NKAIN3: variants seen among roughly 807,000 people sequenced by gnomAD.
NKAIN3 encodes the protein sodium/potassium-transporting ATPase subunit beta-1-interacting protein 3.
A neutral mutation model predicts 30.2 loss-of-function variants in NKAIN3; 25 were observed. The observed-to-expected ratio is 0.83, with a 90% confidence interval of 0.60 to 1.16. The LOEUF (loss-of-function observed/expected upper bound fraction) is 1.16, where lower values mean the gene tolerates loss of function less well. Ranked by LOEUF, NKAIN3 falls within the 50% of genes most tolerant of loss-of-function variation. The pLI is 0.00. For missense variants in NKAIN3, 225 were observed against 254.1 expected (o/e 0.89, Z 0.78); for synonymous variants, 91 against 89.6 (o/e 1.02, Z -0.09).
At chr8:62,631,286 G>A (rs138940453) in intron 3 of NKAIN3, among the ~76,000 whole-genome samples, 1 of 152,216 alleles carries the variant, frequency 6.6e-6, no homozygotes, top group African/African-American at 2.4e-5. Context: ...CCTCTGTAAT[G>A]TCTTAACATG....
At chr8:62,639,762 T>C (rs1367970287) in intron 3 of NKAIN3, among the ~76,000 whole-genome samples, 24 of 152,042 alleles carry the variant, frequency 1.6e-4, no homozygotes, top group Admixed American at 1.6e-3. Flanking sequence ...GCAGAGAGTA[T>C]AAATTTGAGT....
At chr8:62,306,712 T>A (rs1370446403) in intron 1 of NKAIN3, among the ~76,000 whole-genome samples, 1 of 150,022 alleles carries the variant, frequency 6.7e-6, no homozygotes, top group African/African-American at 2.5e-5. Context: ...AGTGGAATCA[T>A]AGGTTTGGCC....
intron 1 of NKAIN3, among the ~76,000 whole-genome samples, chr8:62,268,953 T>C (rs1812692160): frequency 1.3e-5 from 2 of 152,192 alleles, no homozygotes; most frequent in Admixed American, 1.3e-4. Flanking sequence ...AGTACAGTTA[T>C]TGCATTTCTG....
chr8:62,649,555 C>A (rs1255809458), intron 3 of NKAIN3, among the ~76,000 whole-genome samples: 9 of 152,026 alleles, frequency 5.9e-5, no homozygotes, highest in Admixed American at 3.3e-4. Context: ...ACTACAGAAG[C>A]AAAAAAATCC....
chr8:62,248,932 C>G lies in NKAIN3; in HGVS notation c.-142C>G, dbSNP rs566919768. 16 of 693,254 alleles carry G rather than the reference C, an allele frequency of 2.3e-5. No homozygotes were observed. The Admixed American group carries it at 4.1e-4, about 18-fold the overall frequency. The allele number at this position is 693,254 out of a possible 1,614,324, so 42.9% of individuals were successfully genotyped here. On this transcript the variant is annotated 5_prime_UTR_variant, in exon 1 of 7. Coordinates refer to ENST00000623646, the MANE Select transcript of NKAIN3 (RefSeq NM_001304533.3). ...AACTAACAAAGGCGGGCGCGAGCCC[C>G]GAGCCCTGGAGCCGCGAGCGGCGGC... is the stretch of plus-strand genomic sequence containing the variant.
At chr8:62,433,478 G>T (rs1426369635) in intron 1 of NKAIN3, among the ~76,000 whole-genome samples, 3 of 152,150 alleles carry the variant, frequency 2.0e-5, no homozygotes, top group African/African-American at 4.8e-5. Flanking sequence ...TATTATGCCA[G>T]ATATGGGATC....
chr8:62,635,182 C>T (rs1350299659), intron 3 of NKAIN3, among the ~76,000 whole-genome samples: 1 of 152,062 alleles, frequency 6.6e-6, no homozygotes, highest in Non-Finnish European at 1.5e-5. Flanking sequence ...ATCAAATAAA[C>T]CAGGCAAACA....
At chr8:62,729,133 G>A (rs1563535075) in intron 3 of NKAIN3, among the ~76,000 whole-genome samples, 1 of 148,256 alleles carries the variant, frequency 6.7e-6, no homozygotes, top group African/African-American at 2.5e-5. Context: ...ATAAATATTT[G>A]ATAAAAGAGT....
intron 1 of NKAIN3, among the ~76,000 whole-genome samples, chr8:62,498,909 C>T (rs575876451): frequency 6.6e-5 from 10 of 151,918 alleles, no homozygotes; most frequent in Non-Finnish European, 8.8e-5. Flanking sequence ...CTTTTTGTTC[C>T]GAGATATCCT....
intron 6 of NKAIN3, among the ~76,000 whole-genome samples, chr8:62,964,553 TGTG>T: frequency 6.6e-6 from 1 of 151,316 alleles, no homozygotes; most frequent in East Asian, 2.0e-4. Flanking sequence ...TGTGTGTGTG[TGTG>T]TGTGTGTGTG....
intron 4 of NKAIN3, among the ~76,000 whole-genome samples, chr8:62,759,421 T>G (rs1816567943): frequency 6.6e-6 from 1 of 152,134 alleles, no homozygotes; most frequent in African/African-American, 2.4e-5. Context: ...TAAGATGAAT[T>G]ATGTAGCAGT....
chr8:62,319,317 G>A (rs1585674111), intron 1 of NKAIN3, among the ~76,000 whole-genome samples: 3 of 152,064 alleles, frequency 2.0e-5, no homozygotes, highest in South Asian at 4.2e-4. Flanking sequence ...AGGGTTTTTT[G>A]TGTCTCTGTT....
chr8:62,442,071 T>C (rs1313928776), intron 1 of NKAIN3, among the ~76,000 whole-genome samples: 2 of 152,180 alleles, frequency 1.3e-5, no homozygotes, highest in East Asian at 1.9e-4. Flanking sequence ...GAACATGATA[T>C]ATTTTTGTAA....
chr8:62,364,174 T>A (rs1271278096), intron 1 of NKAIN3, among the ~76,000 whole-genome samples: 1 of 152,176 alleles, frequency 6.6e-6, no homozygotes, highest in Non-Finnish European at 1.5e-5. Flanking sequence ...CTGTATGTGT[T>A]CTGTTGTAGG....
At chr8:62,365,830 C>T (rs995034883) in intron 1 of NKAIN3, among the ~76,000 whole-genome samples, 1 of 151,860 alleles carries the variant, frequency 6.6e-6, no homozygotes, top group African/African-American at 2.4e-5. Context: ...ACTTAATTTG[C>T]ATTTGTCTGA....
At chr8:62,676,359 G>C (rs1024260951) in intron 3 of NKAIN3, among the ~76,000 whole-genome samples, 2 of 152,192 alleles carry the variant, frequency 1.3e-5, no homozygotes, top group African/African-American at 2.4e-5. Context: ...ACGAGGTTAG[G>C]AGGTCGAGAC....
intron 4 of NKAIN3, among the ~76,000 whole-genome samples, chr8:62,884,756 G>A (rs60759608): frequency 0.29 from 43,809 of 151,870 alleles, 6,602 homozygotes; most frequent in African/African-American, 0.35. Flanking sequence ...GTTTATCTAG[G>A]TGGTCCAATT....
At chr8:62,814,451 C>T (rs576832337) in intron 4 of NKAIN3, among the ~76,000 whole-genome samples, 1 of 151,936 alleles carries the variant, frequency 6.6e-6, no homozygotes, top group East Asian at 1.9e-4. Context: ...CCATGCCACA[C>T]CTATTCCAAA....
Position 62,970,372 on chromosome 8 carries a change from A to T in NKAIN3, c.*4965A>T, listed in dbSNP as rs1440356154. On this transcript the variant is annotated 3_prime_UTR_variant, in exon 7 of 7. Transcript: ENST00000623646. ...GAAAAAGCTTAGTTTCTTATTGAAGACTAAAAAGAAAAATGCCACTTCTTG... is the reference window on the plus strand; with the variant it reads ...GAAAAAGCTTAGTTTCTTATTGAAGTCTAAAAAGAAAAATGCCACTTCTTG... Among the ~76,000 whole-genome samples the T allele has an allele frequency of 6.6e-6, 1 of 152,182 alleles. No individual in the cohort carries two copies. The highest frequency in any genetic ancestry group is 2.4e-5 in the African/African-American group (1 of 41,456).
Sources: allele counts gnomAD v4.1 joint callset (sites outside exome capture counted in the v4.1 genomes callset), GRCh38; gene constraint gnomAD v4.1.1; transcripts MANE v1.5; gene names NCBI Gene and HGNC (gene_info 2026-07-23, HGNC 2026-07-21).